The following PHF11 variants were observed in gnomAD, a reference collection of about 807,000 sequenced individuals.
PHF11 encodes PHD finger protein 11, also known as BRCA1 C-terminus-associated protein.
In PHF11, 38 loss-of-function variants were observed where a neutral mutation model predicts 40.5. That is an observed-to-expected ratio of 0.94 (90% CI 0.72 to 1.23). The LOEUF (loss-of-function observed/expected upper bound fraction) is 1.23. PHF11 is among the 50% of genes most tolerant of loss of function. PHF11 has a pLI of 0.00. For synonymous variants in PHF11, 127 were observed against 138.2 expected, an observed-to-expected ratio of 0.92 and a Z score of 0.57; for missense variants, 369 against 392.4, an observed-to-expected ratio of 0.94 and a Z score of 0.50.
At chr13:49,517,232 A>C (rs956564083) in intron 3 of PHF11, among the ~76,000 whole-genome samples, 2 of 152,084 alleles carry the variant, frequency 1.3e-5, no homozygotes, top group Non-Finnish European at 2.9e-5. Flanking sequence ...GCTTGTGCCG[A>C]CCCTGGGCTA....
chr13:49,523,249 C>T lies in PHF11; in HGVS notation c.637+8C>T. The T allele has an allele frequency of 6.3e-7, 1 of 1,591,818 alleles. No homozygotes were observed. Among genetic ancestry groups the T allele is most frequent in the African/African-American group, 1.3e-5 (1 of 74,608 alleles). On this transcript the variant is annotated splice_region_variant and intron_variant, in intron 7 of 9. Transcript: ENST00000378319. ...AGCATGGCAGACACACAGGTTTGCG[C>T]TAAGTGTTGTCTGTAACAAATATGG...
In PHF11 at chr13:49,518,119, T is replaced by G. The variant is rs752994316; in HGVS notation, c.426T>G (p.Val142=). 2 of 1,609,050 alleles carry G rather than the reference T, an allele frequency of 1.2e-6. No homozygotes were observed. Among genetic ancestry groups the G allele is most frequent in the South Asian group, 2.2e-5 (2 of 90,506 alleles). ...HFFCAKKDDA[V]PQSDGVRGIY... The stretch of plus-strand genomic sequence containing the variant: ...TCTGTGCCAAGAAGGACGACGCAGT[T>G]CCACAGTCTGATGGAGTTCGAGGAA... The change falls in exon 4 of 10, where the codon GTT becomes GTG. Residue 142 remains valine (V), a synonymous_variant. Coordinates refer to ENST00000378319, the MANE Select transcript of PHF11 (RefSeq NM_001040443.3).
chr13:49,496,120 CGGG>C, intron 1 of PHF11, 25 bp downstream of exon 1: 11 of 212,398 alleles, frequency 5.2e-5, no homozygotes, highest in Non-Finnish European at 8.5e-5. Flanking sequence ...GGCGGGCGGG[CGGG>C]CGGGCGGGGC....
In PHF11 at chr13:49,498,075, T is replaced by G. The variant is rs1387824637; in HGVS notation, c.94+1980T>G. Among the ~76,000 whole-genome samples, 3 of 152,350 alleles carry G rather than the reference T, an allele frequency of 2.0e-5. No individual in the cohort carries two copies. The East Asian group carries it at 5.8e-4, about 29-fold the overall frequency. ...CCTGGAAAACAAAACAAAACTTGTT[T>G]AATGCCTGTCTCTACCACTGGCCAC... On this transcript the variant is annotated intron_variant, in intron 1 of 9. Coordinates refer to ENST00000378319, the MANE Select transcript of PHF11 (RefSeq NM_001040443.3).
rs1317213668 is a variant in PHF11, at chr13:49,526,261, T to TAACA, written c.770-125_770-122dup. The stretch of plus-strand genomic sequence containing the variant: ...TAGTGCTGCTGCTGCTGTTGCCATC[T>TAACA]AACATTAAAGTTCCATGGCACATGA... On this transcript the variant is annotated intron_variant, in intron 8 of 9. Transcript: ENST00000378319. 18 of 635,478 alleles carry TAACA rather than the reference T, an allele frequency of 2.8e-5. No individual in the cohort carries two copies. In the African/African-American group the frequency reaches 3.3e-4, roughly 12 times the overall value. 39.4% of individuals were successfully genotyped at this position (635,478 alleles called of 1,614,324 possible). A position where few individuals can be genotyped will look rare whatever the true frequency, so the allele number is the denominator to read the frequency against.
intron 2 of PHF11, among the ~76,000 whole-genome samples, chr13:49,512,224 AT>A (rs1959090456): frequency 6.6e-6 from 1 of 152,184 alleles, no homozygotes; most frequent in Non-Finnish European, 1.5e-5. Flanking sequence ...CCCACTTTTA[AT>A]TGAATTGTCT....
rs1383334234 is a variant in PHF11, at chr13:49,508,330, A to G, written c.216+1574A>G. On this transcript the variant is annotated intron_variant, in intron 2 of 9. Transcript: ENST00000378319. The stretch of plus-strand genomic sequence containing the variant: ...TATGCATTTTATATAATATATTACT[A>G]TATTCATATATTACTATATTCATAT... Among the ~76,000 whole-genome samples, 3 of 122,694 alleles carry G rather than the reference A, an allele frequency of 2.4e-5. 1 individual carries two copies. The highest frequency in any genetic ancestry group is 4.9e-5 in the Non-Finnish European group (3 of 61,606). The allele number at this position is 122,694 out of a possible 152,430, so 80.5% of individuals were successfully genotyped here. A position where few individuals can be genotyped will look rare whatever the true frequency, so the allele number is the denominator to read the frequency against.
rs1594219099 is a variant in PHF11, at chr13:49,521,189, C to A, written c.505+249C>A. Reference sequence around the variant, plus strand: ...GTATCTTTCATTCTCCCTACGCTCACAGAACCAAACTAAGACATGGGAAAA... The same window carrying A: ...GTATCTTTCATTCTCCCTACGCTCAAAGAACCAAACTAAGACATGGGAAAA... On this transcript the variant is annotated intron_variant, in intron 5 of 9. Transcript: ENST00000378319. 7 of 1,135,582 alleles carry A rather than the reference C, an allele frequency of 6.2e-6. No homozygotes were observed. In the South Asian group the frequency reaches 2.4e-4, roughly 39 times the overall value. The allele number at this position is 1,135,582 out of a possible 1,614,324, so 70.3% of individuals were successfully genotyped here.
chr13:49,503,194 A>G (rs911615990), intron 1 of PHF11, among the ~76,000 whole-genome samples: 2 of 151,834 alleles, frequency 1.3e-5, no homozygotes, highest in African/African-American at 4.8e-5. Flanking sequence ...CTTTTCCCAT[A>G]TGGCTGCTTC....
rs143221518 is a variant in PHF11, at chr13:49,514,314, G to C, written c.324+1148G>C. On this transcript the variant is annotated intron_variant, in intron 3 of 9. Transcript: ENST00000378319. The stretch of plus-strand genomic sequence containing the variant: ...ATACATTGCTCTAGGTAAACTCCCA[G>C]CTATAGGTAAAATGATGCCCATTTT... 2.6e-5 allele frequency among the ~76,000 whole-genome samples: 4 copies of C among 152,334 alleles called. No individual in the cohort carries two copies. The East Asian group carries it at 5.8e-4, about 22-fold the overall frequency.
intron 1 of PHF11, among the ~76,000 whole-genome samples, chr13:49,499,058 A>G (rs370600032): frequency 8.5e-5 from 13 of 152,260 alleles, no homozygotes; most frequent in Admixed American, 8.5e-4. Context: ...CTGAGAAGCC[A>G]TTATAAACTT....
At chr13:49,517,133 G>A (rs910121829) in intron 3 of PHF11, among the ~76,000 whole-genome samples, 1 of 152,016 alleles carries the variant, frequency 6.6e-6, no homozygotes, top group Non-Finnish European at 1.5e-5. Context: ...TTAAATGATC[G>A]TTCTTGTATG....
intron 1 of PHF11, among the ~76,000 whole-genome samples, chr13:49,501,025 T>TTTTTA (rs1958899984): frequency 6.8e-6 from 1 of 147,310 alleles, no homozygotes; most frequent in Non-Finnish European, 1.5e-5. Context: ...TGGTTTTTTT[T>TTTTTA]TTTCTGAAAT....
chr13:49,526,935 T>A (rs1959321773), intron 9 of PHF11, among the ~76,000 whole-genome samples: 1 of 152,098 alleles, frequency 6.6e-6, no homozygotes, highest in Admixed American at 6.5e-5. Context: ...AAACCATCCC[T>A]CCGCTTGCCT....
intron 3 of PHF11, among the ~76,000 whole-genome samples, chr13:49,514,002 AC>A: frequency 6.6e-6 from 1 of 152,196 alleles, no homozygotes; most frequent in East Asian, 1.9e-4. Flanking sequence ...ATTAGGTTGC[AC>A]CCCTCTTTCT....
Position 49,528,587 on chromosome 13 carries a change from A to G in PHF11, c.918A>G (p.Leu306=), listed in dbSNP as rs1373082107. Residue 306 remains leucine, a synonymous_variant, in exon 10 of 10, where the codon TTA becomes TTG. Coordinates refer to ENST00000378319, the MANE Select transcript of PHF11 (RefSeq NM_001040443.3). The part of the protein sequence containing the change: ...LKEEIELLQD[L]KQTLCSFQEN... ...AAGAGATTGAGCTACTTCAGGACTT[A>G]AAACAAACCTTGTGCTCTTTTCAAG... 2.5e-6 allele frequency: 4 copies of G among 1,611,856 alleles called. No individual in the cohort carries two copies. In the South Asian group the frequency reaches 3.3e-5, roughly 13 times the overall value.
chr13:49,505,104 AAAAT>A lies in PHF11; in HGVS notation c.95-1523_95-1520del, dbSNP rs199966874. 1.8e-4 allele frequency among the ~76,000 whole-genome samples: 27 copies of A among 150,920 alleles called. No individual in the cohort carries two copies. The East Asian group carries it at 2.3e-3, about 13-fold the overall frequency. On this transcript the variant is annotated intron_variant, in intron 1 of 9. Transcript: ENST00000378319. Reference sequence around the variant, plus strand: ...AGAAACACCCAAGAATGATAAATAAAAAATAAATAAAAAAATAATAAAAAAATAA... The same window carrying A: ...AGAAACACCCAAGAATGATAAATAAAAAATAAAAAAATAATAAAAAAATAA...
At chr13:49,519,009 G>C (rs1350114561) in intron 4 of PHF11, among the ~76,000 whole-genome samples, 1 of 151,576 alleles carries the variant, frequency 6.6e-6, no homozygotes, top group South Asian at 2.1e-4. Flanking sequence ...CTAATTTTTT[G>C]TATTTTTAGT....
rs542089017 is a variant in PHF11, at chr13:49,524,165, A to G, written c.718A>G (p.Lys240Glu). Residue 240 changes from lysine to glutamate, a missense_variant, in exon 8 of 10, where the codon AAA becomes GAA. By Grantham distance (56) the Lys-to-Glu change is moderately conservative. Coordinates refer to ENST00000378319, the MANE Select transcript of PHF11 (RefSeq NM_001040443.3). ...TTACTTACTTGAAGAAATATTAGACAAAGTTCATTCAATTCCAGAAAAACT... is the reference window on the plus strand; with the variant it reads ...TTACTTACTTGAAGAAATATTAGACGAAGTTCATTCAATTCCAGAAAAACT... ...LNYLLEEILD[K>E]VHSIPEKLMD... is the part of the protein sequence containing the mutation. 6.2e-7 allele frequency: 1 copy of G among 1,609,254 alleles called. No homozygotes were observed. The highest frequency in any genetic ancestry group is 1.3e-5 in the African/African-American group (1 of 74,908).
Sources: gnomAD v4.1 joint callset for allele counts (sites outside exome capture counted in the v4.1 genomes callset) on GRCh38, gnomAD v4.1.1 for gene constraint, MANE v1.5 for transcripts, NCBI Gene and HGNC (gene_info 2026-07-23, HGNC 2026-07-21) for gene names.